Variants in SNRPB observed in about 807,000 individuals in gnomAD.
SNRPB encodes small nuclear ribonucleoprotein-associated proteins B and B'.
Under a neutral mutation model 26.6 loss-of-function variants are expected in SNRPB, and 5 were observed. The ratio of observed to expected loss-of-function variants is 0.19; its 90% CI spans 0.10 to 0.39. SNRPB has a LOEUF of 0.39. SNRPB is among the 10% of genes least tolerant of loss of function. The pLI is 1.00. For missense variants in SNRPB, 211 were observed against 311.9 expected (o/e 0.68, Z 2.44); for synonymous variants, 122 against 105.8 (o/e 1.15, Z -0.94).
intron 1 of SNRPB, among the ~76,000 whole-genome samples, chr20:2,469,659 C>G (rs536776014): frequency 6.6e-6 from 1 of 152,266 alleles, no homozygotes; most frequent in Admixed American, 6.5e-5. Context: ...ATCCACCGCA[C>G]TCCAGCCTGG....
rs557572377 is a variant in SNRPB at position 2,461,688 on chromosome 20, A to G, written c.*241T>C. 23 of 1,085,964 alleles carry G rather than the reference A, an allele frequency of 2.1e-5. 1 individual carries two copies. The East Asian group carries it at 4.3e-4, about 20-fold the overall frequency. The allele number at this position is 1,085,964 out of a possible 1,614,324, so 67.3% of individuals were successfully genotyped here. ...TTATAAACCAGTTTCATAGGCCACA[A>G]GGAGATAAAAGGACTATGTACAGCC... On this transcript the variant is annotated 3_prime_UTR_variant, in exon 7 of 7. Coordinates refer to ENST00000381342, the MANE Select transcript of SNRPB (RefSeq NM_003091.4).
chr20:2,470,130 A>T (rs2085102774), intron 1 of SNRPB, among the ~76,000 whole-genome samples: 1 of 152,206 alleles, frequency 6.6e-6, no homozygotes, highest in Non-Finnish European at 1.5e-5. Context: ...AGCGCCTGAG[A>T]AGTCAGGCAC....
intron 1 of SNRPB, 101 bp from the exon 2 acceptor site, chr20:2,467,859 A>C: frequency 2.8e-6 from 3 of 1,086,884 alleles, no homozygotes; most frequent in East Asian, 4.8e-5. Context: ...CATGTGTCCA[A>C]CTTTCTCAAC....
At position 2,463,815 on chromosome 20, in the gene SNRPB, C is replaced by T. The variant is rs1445174747; in HGVS notation, c.352G>A (p.Val118Ile). The T allele has an allele frequency of 1.2e-6, 2 of 1,612,662 alleles. No homozygotes were observed. The highest frequency in any genetic ancestry group is 8.5e-7 in the Non-Finnish European group (1 of 1,179,136). The change falls in exon 4 of 7, where the codon GTT becomes ATT. Residue 118 changes from valine (V) to isoleucine (I), a missense_variant. By Grantham distance (29) the Val-to-Ile change is conservative (BLOSUM62 3). Transcript: ENST00000381342. The surrounding 1 kb of genome is among the most constrained non-coding windows in gnomAD (Gnocchi z 5.0). ...RAAGRGIPAGVPMPQAPAGLA... is the reference protein window; with the variant it reads ...RAAGRGIPAGIPMPQAPAGLA... Reference sequence around the variant, plus strand: ...CCTGCAGGAGCCTGGGGCATGGGAACCCCAGCTGGGATTCCTCTGCCAGCA... The same window carrying T: ...CCTGCAGGAGCCTGGGGCATGGGAATCCCAGCTGGGATTCCTCTGCCAGCA...
Position 2,461,729 on chromosome 20 carries a change from AG to A in SNRPB, c.*199del. On this transcript the variant is annotated 3_prime_UTR_variant, in exon 7 of 7. Transcript: ENST00000381342. The stretch of plus-strand genomic sequence containing the variant: ...ATGTACAGCCTTACGGGAAACAGGC[AG>A]GGAGCTGAGGAGGGCCAAGATGAGT... 1 of 1,545,212 alleles carries A rather than the reference AG, an allele frequency of 6.5e-7. No homozygotes were observed. The highest frequency in any genetic ancestry group is 8.8e-7 in the Non-Finnish European group (1 of 1,139,934).
intron 1 of SNRPB, among the ~76,000 whole-genome samples, chr20:2,470,325 C>T (rs775921434): frequency 6.6e-6 from 1 of 152,232 alleles, no homozygotes; most frequent in Admixed American, 6.5e-5. Flanking sequence ...GAGCCTTTTA[C>T]CGGGTCCCCC....
chr20:2,467,816 G>C (rs1245869258), intron 1 of SNRPB, 58 bp from the exon 2 acceptor site: 1 of 1,547,564 alleles, frequency 6.5e-7, no homozygotes, highest in East Asian at 2.3e-5. Context: ...AGCACCTCTG[G>C]CCCTCCCCAA....
chr20:2,465,674 C>T, intron 3 of SNRPB, 34 bp downstream of exon 3: 1 of 1,412,994 alleles, frequency 7.1e-7, no homozygotes, highest in Non-Finnish European at 1.0e-6. Context: ...AGTAGGGCCT[C>T]CCCTCCTCCA....
At chr20:2,470,637 C>T in intron 1 of SNRPB, 51 bp downstream of exon 1, 1 of 1,612,554 alleles carries the variant, frequency 6.2e-7, no homozygotes, top group South Asian at 1.1e-5. Flanking sequence ...GCGGTTCCCA[C>T]TCCACAACAG....
Position 2,463,251 on chromosome 20 carries a change from GT to G in SNRPB, c.421-25del. 1 of 1,596,138 alleles carries G rather than the reference GT, an allele frequency of 6.3e-7. No individual in the cohort carries two copies. Among genetic ancestry groups the G allele is most frequent in the Non-Finnish European group, 8.6e-7 (1 of 1,163,952 alleles). The stretch of plus-strand genomic sequence containing the variant: ...ACCTAAGAGGACATAAGAAGAAAGA[GT>G]TAGAAGAGTACAGTACAATGCAGCT... On this transcript the variant is annotated intron_variant, in intron 4 of 6. Coordinates refer to ENST00000381342, the MANE Select transcript of SNRPB (RefSeq NM_003091.4). This position sits in a 1 kb window ranked among gnomAD's most constrained non-coding sequence, Gnocchi z 5.0.
intron 6 of SNRPB, 74 bp from the exon 7 acceptor site, chr20:2,462,013 C>A (rs916876134): frequency 1.9e-6 from 2 of 1,048,446 alleles, no homozygotes; most frequent in Non-Finnish European, 1.5e-6. Context: ...CAGCCTCCCA[C>A]GCCCTGCAGT....
At chr20:2,467,571 T>C (rs754824589) in intron 2 of SNRPB, 36 bp downstream of exon 2, 2 of 1,601,772 alleles carry the variant, frequency 1.2e-6, no homozygotes, top group South Asian at 2.2e-5. Context: ...TCCATTCCCA[T>C]CCTCCAGTCT....
chr20:2,463,192 G>A lies in SNRPB; in HGVS notation c.456C>T (p.Ala152=), dbSNP rs140604228. 4.4e-5 allele frequency: 71 copies of A among 1,608,024 alleles called. No individual in the cohort carries two copies. Among genetic ancestry groups the A allele is most frequent in the South Asian group, 2.4e-4 (22 of 90,976 alleles). The change falls in exon 5 of 7, where the codon GCC becomes GCT. Residue 152 remains alanine (A), a synonymous_variant. Coordinates refer to ENST00000381342, the MANE Select transcript of SNRPB (RefSeq NM_003091.4). This position sits in a 1 kb window ranked among gnomAD's most constrained non-coding sequence, Gnocchi z 5.0. ...MTPQGRGTVA[A]AAAAATASIA... ...TACTGGCTGTGGCAGCAGCTGCAGC[G>A]GCTGCAACAGTACCTCTTCCTTGTG... is the stretch of plus-strand genomic sequence containing the variant.
At chr20:2,466,266 T>C (rs1404897257) in intron 2 of SNRPB, among the ~76,000 whole-genome samples, 1 of 152,190 alleles carries the variant, frequency 6.6e-6, no homozygotes, top group African/African-American at 2.4e-5. Flanking sequence ...CACAGGCCTA[T>C]AATTCTGCCC....
chr20:2,465,056 C>A (rs1210764112), intron 3 of SNRPB, among the ~76,000 whole-genome samples: 4 of 152,142 alleles, frequency 2.6e-5, no homozygotes, highest in Admixed American at 6.5e-5. Flanking sequence ...AGTTACTAAG[C>A]CCTGGTTTAT....
intron 1 of SNRPB, among the ~76,000 whole-genome samples, chr20:2,468,425 G>T (rs1174815094): frequency 1.3e-5 from 2 of 152,146 alleles, no homozygotes; most frequent in African/African-American, 2.4e-5. Context: ...TGACTATATA[G>T]GTATCACTTT....
intron 1 of SNRPB, 76 bp from the exon 2 acceptor site, chr20:2,467,834 C>T (rs2085084816): frequency 2.8e-6 from 4 of 1,411,004 alleles, no homozygotes; most frequent in Non-Finnish European, 2.9e-6. Flanking sequence ...CAAAACTTCC[C>T]ATGGCGTTCT....
chr20:2,462,846 C>T (rs1204066601), intron 5 of SNRPB, 85 bp from the exon 6 acceptor site: 2 of 1,214,484 alleles, frequency 1.6e-6, no homozygotes, highest in Non-Finnish European at 2.3e-6. Flanking sequence ...CCACCAAGTT[C>T]TGAGATAGAT....
Position 2,470,675 on chromosome 20 carries a change from G to A in SNRPB, c.3+13C>T, listed in dbSNP as rs1429333621. ...TCGGAAGCTCCCGCGCCGCCAGCCT[G>A]TGCCCTCCTTACCATGGTGGCGGTT... On this transcript the variant is annotated intron_variant, in intron 1 of 6. Transcript: ENST00000381342. The A allele has an allele frequency of 3.1e-6, 5 of 1,613,508 alleles. No homozygotes were observed. The highest frequency in any genetic ancestry group is 4.2e-6 in the Non-Finnish European group (5 of 1,180,000).
Sources: allele counts gnomAD v4.1 joint callset (sites outside exome capture counted in the v4.1 genomes callset), GRCh38; gene constraint gnomAD v4.1.1; non-coding constraint Gnocchi (gnomAD v3.1); transcripts MANE v1.5; gene names NCBI Gene and HGNC (gene_info 2026-07-23, HGNC 2026-07-21).